NRXN1: variants seen among roughly 807,000 people sequenced by gnomAD.
NRXN1 encodes the protein neurexin-1.
A neutral mutation model predicts 150.9 loss-of-function variants in NRXN1; 39 were observed. The observed-to-expected ratio is 0.26, with a 90% CI of 0.20 to 0.34. NRXN1 has a LOEUF of 0.34. NRXN1 is among the 10% of genes least tolerant of loss of function. NRXN1 has a pLI of 1.00. For missense variants in NRXN1, 1,815 were observed against 1,949.9 expected, an observed-to-expected ratio of 0.93 and a Z score of 1.30; for synonymous variants, 924 against 757.0, an observed-to-expected ratio of 1.22 and a Z score of -3.62.
chr2:50,819,271 G>A (rs1297594296), intron 5 of NRXN1, among the ~76,000 whole-genome samples: 1 of 152,166 alleles, frequency 6.6e-6, no homozygotes, highest in South Asian at 2.1e-4. Flanking sequence ...CCAAAGGGCA[G>A]AAACAACCTG....
intron 18 of NRXN1, among the ~76,000 whole-genome samples, chr2:50,125,637 T>G (rs1318772880): frequency 1.3e-5 from 2 of 152,136 alleles, no homozygotes; most frequent in African/African-American, 4.8e-5. Flanking sequence ...ATTAATATTT[T>G]TGGTTACAGT....
At chr2:49,940,635 T>C (rs930856442) in intron 22 of NRXN1, among the ~76,000 whole-genome samples, 2 of 152,098 alleles carry the variant, frequency 1.3e-5, no homozygotes, top group African/African-American at 4.8e-5. Context: ...GAAAACATCA[T>C]ATAAACTAAG....
At chr2:50,232,795 T>C (rs373893808) in intron 18 of NRXN1, among the ~76,000 whole-genome samples, 4 of 152,234 alleles carry the variant, frequency 2.6e-5, no homozygotes, top group African/African-American at 9.6e-5. Flanking sequence ...GAATAATTCA[T>C]GATAAAAGTG....
At chr2:50,177,133 T>C (rs576543940) in intron 18 of NRXN1, among the ~76,000 whole-genome samples, 5 of 152,220 alleles carry the variant, frequency 3.3e-5, no homozygotes, top group South Asian at 2.1e-4. Context: ...ATGCAGGGAG[T>C]ACATGTGCTT....
At chr2:50,888,545 T>A (rs1208207147) in intron 5 of NRXN1, among the ~76,000 whole-genome samples, 1 of 151,604 alleles carries the variant, frequency 6.6e-6, no homozygotes, top group Non-Finnish European at 1.5e-5. Context: ...CCCTCTGTTA[T>A]CTTTTCCTCC....
At chr2:50,278,288 A>G (rs891034412) in intron 17 of NRXN1, among the ~76,000 whole-genome samples, 12 of 88,196 alleles carry the variant, frequency 1.4e-4, no homozygotes, top group African/African-American at 1.9e-4. Context: ...TATATATAAT[A>G]CATATATAAT....
intron 8 of NRXN1, among the ~76,000 whole-genome samples, chr2:50,587,506 C>T (rs941105900): frequency 2.6e-5 from 4 of 151,970 alleles, no homozygotes; most frequent in African/African-American, 4.8e-5. Flanking sequence ...CCCTGTTTTC[C>T]CTATTGCAGA....
chr2:50,257,225 T>C (rs1287166379), intron 17 of NRXN1, among the ~76,000 whole-genome samples: 2 of 152,092 alleles, frequency 1.3e-5, no homozygotes, highest in Non-Finnish European at 2.9e-5. Flanking sequence ...AGGCTACCGA[T>C]AATCTATTAC....
intron 2 of NRXN1, among the ~76,000 whole-genome samples, chr2:51,001,232 G>GT (rs1278236855): frequency 2.6e-5 from 3 of 117,118 alleles, no homozygotes; most frequent in Non-Finnish European, 5.2e-5. Context: ...GATTCATGGG[G>GT]TTGGGGGGGG....
At chr2:50,746,781 G>T (rs181525128) in intron 5 of NRXN1, among the ~76,000 whole-genome samples, 7 of 152,202 alleles carry the variant, frequency 4.6e-5, no homozygotes, top group Non-Finnish European at 7.4e-5. Flanking sequence ...TGCATTTCAA[G>T]GGCGGGACCA....
chr2:50,719,119 G>A (rs1436370126), intron 5 of NRXN1, among the ~76,000 whole-genome samples: 1 of 151,806 alleles, frequency 6.6e-6, no homozygotes, highest in Admixed American at 6.6e-5. Flanking sequence ...GCTTGGAGGT[G>A]TAAGATTAGA....
intron 5 of NRXN1, among the ~76,000 whole-genome samples, chr2:50,748,121 T>G (rs1312823080): frequency 6.6e-6 from 1 of 152,172 alleles, no homozygotes; most frequent in Non-Finnish European, 1.5e-5. Flanking sequence ...AAACAGAGGC[T>G]TGGCAGAGTT....
At chr2:50,240,535 A>G (rs1329727645) in intron 17 of NRXN1, among the ~76,000 whole-genome samples, 1 of 151,720 alleles carries the variant, frequency 6.6e-6, no homozygotes, top group Non-Finnish European at 1.5e-5. Flanking sequence ...ATAGTGGGTT[A>G]GATGGCTTAA....
At chr2:50,794,844 T>C (rs1450379259) in intron 5 of NRXN1, among the ~76,000 whole-genome samples, 2 of 152,116 alleles carry the variant, frequency 1.3e-5, no homozygotes, top group African/African-American at 4.8e-5. Context: ...TGAAACACAA[T>C]TTTTTCATAG....
chr2:50,971,035 A>C (rs1694911587), intron 2 of NRXN1, among the ~76,000 whole-genome samples: 1 of 152,112 alleles, frequency 6.6e-6, no homozygotes, highest in Admixed American at 6.6e-5. Flanking sequence ...TTGTTGCCCT[A>C]ATCAAGATTT....
At chr2:50,569,974 T>C (rs1394829296) in intron 8 of NRXN1, among the ~76,000 whole-genome samples, 1 of 152,224 alleles carries the variant, frequency 6.6e-6, no homozygotes, top group Non-Finnish European at 1.5e-5. Context: ...CCTTGTCTAA[T>C]ACGGATGCTC....
chr2:50,719,425 C>T (rs1424948048), intron 5 of NRXN1, among the ~76,000 whole-genome samples: 1 of 151,902 alleles, frequency 6.6e-6, no homozygotes, highest in Non-Finnish European at 1.5e-5. Flanking sequence ...ACCTGTAATC[C>T]CAGCACTTTG....
chr2:50,510,068 C>T (rs1374497151), intron 12 of NRXN1, among the ~76,000 whole-genome samples: 1 of 152,078 alleles, frequency 6.6e-6, no homozygotes, highest in African/African-American at 2.4e-5. Context: ...CAATCTTTGA[C>T]TTCAAGCCTT....
At chr2:50,067,918 A>G (rs1198065131) in intron 19 of NRXN1, among the ~76,000 whole-genome samples, 1 of 152,158 alleles carries the variant, frequency 6.6e-6, no homozygotes, top group African/African-American at 2.4e-5. Context: ...AAATTGGAAA[A>G]TTATGTGGTT....
Sources: gnomAD v4.1 joint callset for allele counts (sites outside exome capture counted in the v4.1 genomes callset) on GRCh38, gnomAD v4.1.1 for gene constraint, MANE v1.5 for transcripts, NCBI Gene and HGNC (gene_info 2026-07-23, HGNC 2026-07-21) for gene names.